The following FAT4 variants were observed in gnomAD, a reference collection of about 807,000 sequenced individuals.
FAT4 encodes FAT atypical cadherin 4, also known as protocadherin Fat 4.
A neutral mutation model predicts 303.9 loss-of-function variants in FAT4; 84 were observed. The observed-to-expected ratio is 0.28, with a 90% CI of 0.23 to 0.33. The LOEUF (loss-of-function observed/expected upper bound fraction) is 0.33. FAT4 is among the 10% of genes least tolerant of loss of function. The probability of loss-of-function intolerance (pLI) is 1.00; values close to 1 mark genes in which losing one functional copy is unlikely to be tolerated. For synonymous variants in FAT4, 2,307 were observed against 2,298.8 expected, an observed-to-expected ratio of 1.00 and a Z score of -0.10; for missense variants, 6,005 against 6,146.8, an observed-to-expected ratio of 0.98 and a Z score of 0.77.
intron 7 of FAT4, among the ~76,000 whole-genome samples, chr4:125,431,872 C>T (rs1725295108): frequency 1.3e-5 from 2 of 151,572 alleles, no homozygotes; most frequent in South Asian, 4.1e-4. Flanking sequence ...TTTTATGCAA[C>T]TGGTGGGAAT....
intron 17 of FAT4, 56 bp downstream of exon 17, chr4:125,487,662 T>C: frequency 2.7e-6 from 4 of 1,491,886 alleles, no homozygotes; most frequent in Non-Finnish European, 3.6e-6. Flanking sequence ...CTTCAAAAAG[T>C]AATTGCTTTT....
At chr4:125,393,254 A>G (rs1459218449) in intron 2 of FAT4, among the ~76,000 whole-genome samples, 2 of 152,148 alleles carry the variant, frequency 1.3e-5, no homozygotes, top group Admixed American at 1.3e-4. Flanking sequence ...TGCAGAGAGG[A>G]TATGCATTTA....
intron 5 of FAT4, among the ~76,000 whole-genome samples, chr4:125,412,911 A>G (rs1032182103): frequency 2.0e-5 from 3 of 151,812 alleles, no homozygotes; most frequent in South Asian, 2.1e-4. Context: ...CCCCAAAAGA[A>G]TGGGGATTCA....
chr4:125,345,466 A>G (rs530634536), intron 2 of FAT4, among the ~76,000 whole-genome samples: 1 of 152,076 alleles, frequency 6.6e-6, no homozygotes, highest in East Asian at 1.9e-4. Context: ...AAACACACAA[A>G]AAGTGGTGAC....
rs549354416 is a variant in FAT4 at position 125,328,505 on chromosome 4, T to C, written c.5175+6919T>C. On this transcript the variant is annotated intron_variant, in intron 2 of 17. Coordinates refer to ENST00000394329, the MANE Select transcript of FAT4 (RefSeq NM_001291303.3). ...CGATCAGTGAGTAAAAACCAAAGAA[T>C]TTTAAGGCTTTGAAGAAATGTTGAA... Among the ~76,000 whole-genome samples, 3 of 152,310 alleles carry C rather than the reference T, an allele frequency of 2.0e-5. No individual in the cohort carries two copies. The South Asian group carries it at 6.2e-4, about 32-fold the overall frequency.
intron 16 of FAT4, among the ~76,000 whole-genome samples, chr4:125,484,022 T>C: frequency 1.0e-5 from 1 of 97,158 alleles, no homozygotes; most frequent in African/African-American, 3.9e-5. Context: ...CTCATTCTCT[T>C]TTCTATCATT....
chr4:125,343,087 C>T (rs565658470), intron 2 of FAT4, among the ~76,000 whole-genome samples: 18 of 152,128 alleles, frequency 1.2e-4, no homozygotes, highest in South Asian at 2.1e-4. Flanking sequence ...TAATCATTTA[C>T]GCTTTTAAAA....
In FAT4 at chr4:125,490,946, ATCT is replaced by A. The variant is rs760632189; in HGVS notation, c.14134_14136del (p.Ser4712del). On this transcript the variant is annotated inframe_deletion, in exon 18 of 18. Transcript: ENST00000394329. ...GACACAGTCCAGCCCCTTTCTCCAAATCTTCTACGTTCTATAGAAACAGCCCAG... is the reference window on the plus strand; with the variant it reads ...GACACAGTCCAGCCCCTTTCTCCAAATCTACGTTCTATAGAAACAGCCCAG... 7 of 1,614,088 alleles carry A rather than the reference ATCT, an allele frequency of 4.3e-6. No homozygotes were observed. The highest frequency in any genetic ancestry group is 2.2e-5 in the East Asian group (1 of 44,868).
intron 10 of FAT4, among the ~76,000 whole-genome samples, chr4:125,460,028 C>T (rs944610376): frequency 1.3e-5 from 2 of 152,020 alleles, no homozygotes; most frequent in Non-Finnish European, 2.9e-5. Context: ...GAATCCTTTT[C>T]TCACACAAAA....
chr4:125,481,773 A>G, intron 16 of FAT4, 35 bp downstream of exon 16: 1 of 1,572,174 alleles, frequency 6.4e-7, no homozygotes, highest in Non-Finnish European at 8.8e-7. Context: ...TCATTTGATT[A>G]GACCGCCTGC....
chr4:125,413,794 C>T (rs531540259), intron 5 of FAT4, among the ~76,000 whole-genome samples: 21 of 151,960 alleles, frequency 1.4e-4, no homozygotes, highest in African/African-American at 3.6e-4. Flanking sequence ...TTGTTCTAGA[C>T]GACTTTTGCC....
intron 8 of FAT4, among the ~76,000 whole-genome samples, chr4:125,438,502 C>T (rs927205119): frequency 2.0e-5 from 3 of 152,040 alleles, no homozygotes; most frequent in Non-Finnish European, 4.4e-5. Flanking sequence ...TGAGAATTAA[C>T]ATTATACTTT....
Position 125,446,416 on chromosome 4 carries a change from T to G in FAT4, c.7323T>G (p.Asp2441Glu), listed in dbSNP as rs142184187. Residue 2441 changes from aspartate (D) to glutamate (E), a missense_variant, in exon 9 of 18, where the codon GAT (aspartate) becomes GAG (glutamate). Asp to Glu is a conservative substitution (Grantham distance 45). Coordinates refer to ENST00000394329, the MANE Select transcript of FAT4 (RefSeq NM_001291303.3). ...ATACTTTGGTAGTGGTCTGCAGTGA[T>G]GCGGGATCCCCAGAGCCTCTTTCCA... is the stretch of plus-strand genomic sequence containing the variant. ...DNYTLVVVCS[D>E]AGSPEPLSSS... The G allele has an allele frequency of 6.2e-7, 1 of 1,613,570 alleles. No individual in the cohort carries two copies. The highest frequency in any genetic ancestry group is 1.3e-5 in the African/African-American group (1 of 74,992).
intron 15 of FAT4, among the ~76,000 whole-genome samples, chr4:125,480,429 G>A (rs1036847691): frequency 2.0e-5 from 3 of 152,022 alleles, no homozygotes; most frequent in Non-Finnish European, 2.9e-5. Flanking sequence ...CATTAATGAT[G>A]TTCATATCAT....
chr4:125,408,299 AATGTT>A, intron 4 of FAT4, 140 bp from the exon 5 acceptor site: 1 of 538,988 alleles, frequency 1.9e-6, no homozygotes, highest in Non-Finnish European at 3.2e-6. Flanking sequence ...AAATCTGCAG[AATGTT>A]ATGTTCACTG....
At chr4:125,424,121 G>A (rs1725002351) in intron 7 of FAT4, among the ~76,000 whole-genome samples, 1 of 152,134 alleles carries the variant, frequency 6.6e-6, no homozygotes, top group Non-Finnish European at 1.5e-5. Flanking sequence ...AGGCATGATT[G>A]TGTTTTGAAA....
chr4:125,333,033 C>G (rs1027384848), intron 2 of FAT4, among the ~76,000 whole-genome samples: 7 of 151,838 alleles, frequency 4.6e-5, no homozygotes, highest in African/African-American at 1.7e-4. Flanking sequence ...AGATTTGAAG[C>G]AGTTTACAAA....
At chr4:125,418,881 C>T (rs901589150) in intron 7 of FAT4, among the ~76,000 whole-genome samples, 3 of 96,902 alleles carry the variant, frequency 3.1e-5, no homozygotes, top group Middle Eastern at 4.9e-3. Context: ...TTTGCCTTAC[C>T]ATTTTCTCAT....
At chr4:125,395,660 A>T (rs189389882) in intron 2 of FAT4, among the ~76,000 whole-genome samples, 454 of 152,258 alleles carry the variant, frequency 3.0e-3, no homozygotes, top group Middle Eastern at 6.8e-3. Context: ...TAATTTTGGG[A>T]AAGAGGATAG....
Sources: allele counts gnomAD v4.1 joint callset (sites outside exome capture counted in the v4.1 genomes callset), GRCh38; gene constraint gnomAD v4.1.1; transcripts MANE v1.5; gene names NCBI Gene and HGNC (gene_info 2026-07-23, HGNC 2026-07-21).